FRMD5: variants seen among roughly 807,000 people sequenced by gnomAD.
FRMD5 encodes the protein FERM domain-containing protein 5.
A neutral mutation model predicts 69.0 loss-of-function variants in FRMD5; 20 were observed. The observed-to-expected ratio is 0.29, with a 90% CI of 0.20 to 0.42. The LOEUF is 0.42. FRMD5 is among the 10% of genes least tolerant of loss of function. The pLI is 1.00. For missense variants in FRMD5, 595 were observed against 708.6 expected, an observed-to-expected ratio of 0.84 and a Z score of 1.82; for synonymous variants, 271 against 260.1, an observed-to-expected ratio of 1.04 and a Z score of -0.40.
intron 1 of FRMD5, among the ~76,000 whole-genome samples, chr15:44,015,461 G>C (rs766588964): frequency 2.0e-5 from 3 of 152,008 alleles, no homozygotes; most frequent in Non-Finnish European, 4.4e-5. Flanking sequence ...TTTTAATAGT[G>C]CATTTTCTTC....
intron 1 of FRMD5, among the ~76,000 whole-genome samples, chr15:44,169,604 T>TG (rs2077766493): frequency 6.6e-6 from 1 of 152,150 alleles, no homozygotes; most frequent in South Asian, 2.1e-4. Context: ...CCAGAAGATG[T>TG]GGGGTCAGGT....
At chr15:44,151,341 G>T (rs2140472799) in intron 1 of FRMD5, among the ~76,000 whole-genome samples, 1 of 149,520 alleles carries the variant, frequency 6.7e-6, no homozygotes, top group African/African-American at 2.5e-5. Flanking sequence ...AGCTTGCAGT[G>T]AGCCAAGATC....
In FRMD5 at chr15:44,073,580, C is replaced by T. The variant is rs1233573002; in HGVS notation, c.102+121373G>A. Among the ~76,000 whole-genome samples the T allele has an allele frequency of 4.6e-5, 7 of 152,242 alleles. No individual in the cohort carries two copies. In the East Asian group the frequency reaches 1.3e-3, roughly 29 times the overall value. On this transcript the variant is annotated intron_variant, in intron 1 of 13. Transcript: ENST00000417257. ...TAGGAATCTTGATCCACTTCAAATC[C>T]TTGACCTGGCCCTGACTGCATAGTT...
intron 1 of FRMD5, among the ~76,000 whole-genome samples, chr15:43,952,298 T>C (rs1414339501): frequency 6.6e-6 from 1 of 152,190 alleles, no homozygotes; most frequent in Non-Finnish European, 1.5e-5. Context: ...CTCAGGCTAA[T>C]GTTCTATTAC....
chr15:44,006,881 T>A (rs1890475658), intron 1 of FRMD5, among the ~76,000 whole-genome samples: 1 of 152,200 alleles, frequency 6.6e-6, no homozygotes. Context: ...CCCATAAACT[T>A]AGTTGATAAA....
At chr15:43,876,336 C>T (rs2088356163) in intron 13 of FRMD5, 1 of 920,138 alleles carries the variant, frequency 1.1e-6, no homozygotes, top group Non-Finnish European at 1.7e-6. Context: ...TGATGCAGAG[C>T]TGGGACCACG....
At chr15:44,105,476 G>GT (rs1163970741) in intron 1 of FRMD5, among the ~76,000 whole-genome samples, 22 of 152,288 alleles carry the variant, frequency 1.4e-4, no homozygotes, top group Admixed American at 3.9e-4. Context: ...CTAACTTACT[G>GT]ATCTTGAACT....
chr15:43,918,648 C>T (rs2089439711), intron 4 of FRMD5, among the ~76,000 whole-genome samples: 2 of 152,204 alleles, frequency 1.3e-5, no homozygotes, highest in Admixed American at 1.3e-4. Context: ...CTAGGATTCC[C>T]TGGCATCACA....
chr15:44,133,212 C>CAA (rs576617043), intron 1 of FRMD5, among the ~76,000 whole-genome samples: 6 of 137,678 alleles, frequency 4.4e-5, no homozygotes, highest in African/African-American at 1.0e-4. Flanking sequence ...GACTCCGTCT[C>CAA]AAAAAAAAAA....
chr15:44,083,050 T>A (rs1894058028), intron 1 of FRMD5, among the ~76,000 whole-genome samples: 3 of 152,004 alleles, frequency 2.0e-5, no homozygotes. Context: ...TGCTCATAAT[T>A]CATGACAAGC....
intron 1 of FRMD5, among the ~76,000 whole-genome samples, chr15:44,157,594 G>C (rs1207324497): frequency 6.6e-6 from 1 of 152,150 alleles, no homozygotes; most frequent in Non-Finnish European, 1.5e-5. Flanking sequence ...TTCTAAATGT[G>C]TTGTGTGAAA....
intron 1 of FRMD5, among the ~76,000 whole-genome samples, chr15:44,008,921 G>A (rs186934649): frequency 4.6e-5 from 7 of 152,256 alleles, no homozygotes; most frequent in African/African-American, 1.7e-4. Context: ...AGCTACTGGG[G>A]AGGCTGAGGC....
At chr15:44,179,984 C>T (rs528091428) in intron 1 of FRMD5, among the ~76,000 whole-genome samples, 95 of 148,404 alleles carry the variant, frequency 6.4e-4, no homozygotes, top group African/African-American at 2.2e-3. Context: ...GGCTGCAGTG[C>T]ACTGTGCTCC....
chr15:44,030,571 A>G (rs1335886160), intron 1 of FRMD5, among the ~76,000 whole-genome samples: 1 of 152,190 alleles, frequency 6.6e-6, no homozygotes, highest in Non-Finnish European at 1.5e-5. Flanking sequence ...GCTTAATGGA[A>G]ACAAAACCCT....
upstream of FRMD5, among the ~76,000 whole-genome samples, chr15:44,195,891 C>A (rs996284382): frequency 2.8e-4 from 3 of 10,610 alleles, no homozygotes; most frequent in Non-Finnish European, 2.5e-3. Flanking sequence ...CTCTAACACC[C>A]TTTGCCTCCT....
chr15:44,194,769 C>T lies in FRMD5; in HGVS notation c.102+184G>A. On this transcript the variant is annotated intron_variant, in intron 1 of 13. Transcript: ENST00000417257. ...GCGGCGGCGGTGACACACCGGGTGC[C>T]AGGGCTCCGGCAGGGGCTCCGGTGA... is the stretch of plus-strand genomic sequence containing the variant. The T allele has an allele frequency of 4.4e-6, 3 of 682,822 alleles. No individual in the cohort carries two copies. In the South Asian group the frequency reaches 4.6e-5, roughly 11 times the overall value. 42.3% of individuals were successfully genotyped at this position (682,822 alleles called of 1,614,324 possible).
At chr15:43,998,620 C>T (rs1890044381) in intron 1 of FRMD5, among the ~76,000 whole-genome samples, 1 of 152,220 alleles carries the variant, frequency 6.6e-6, no homozygotes, top group African/African-American at 2.4e-5. Flanking sequence ...ACTCCACTGC[C>T]ATTCAAACTG....
intron 1 of FRMD5, among the ~76,000 whole-genome samples, chr15:44,098,256 G>A (rs1005397825): frequency 2.6e-5 from 4 of 152,078 alleles, no homozygotes; most frequent in African/African-American, 9.7e-5. Context: ...GCCGGGTGCA[G>A]TGGCTCACGC....
intron 1 of FRMD5, among the ~76,000 whole-genome samples, chr15:44,149,493 C>T (rs1178126652): frequency 6.6e-6 from 1 of 151,948 alleles, no homozygotes; most frequent in Non-Finnish European, 1.5e-5. Context: ...AATTAAAAAA[C>T]ACATGATCCA....
Sources: gnomAD v4.1 joint callset for allele counts (sites outside exome capture counted in the v4.1 genomes callset) on GRCh38, gnomAD v4.1.1 for gene constraint, MANE v1.5 for transcripts, NCBI Gene and HGNC (gene_info 2026-07-23, HGNC 2026-07-21) for gene names.